CSMD2: variants seen among roughly 807,000 people sequenced by gnomAD.
CSMD2 encodes CUB and Sushi multiple domains 2.
Under a neutral mutation model 398.5 loss-of-function variants are expected in CSMD2, and 130 were observed. The observed-to-expected ratio is 0.33, with a 90% confidence interval of 0.28 to 0.38. The LOEUF (loss-of-function observed/expected upper bound fraction) is 0.38. CSMD2 is among the 10% of genes least tolerant of loss of function. CSMD2 has a pLI of 1.00. For synonymous variants in CSMD2, 1,828 were observed against 1,908.5 expected, an observed-to-expected ratio of 0.96 and a Z score of 1.10; for missense variants, 3,829 against 4,764.9, an observed-to-expected ratio of 0.80 and a Z score of 5.78.
chr1:33,820,565 C>CAAAAAAA lies in CSMD2; in HGVS notation c.1112-16_1112-10dup, dbSNP rs753962666. 120 of 444,364 alleles carry CAAAAAAA rather than the reference C, an allele frequency of 2.7e-4. No individual in the cohort carries two copies. Among genetic ancestry groups the CAAAAAAA allele is most frequent in the South Asian group, 7.7e-4 (25 of 32,294 alleles). The allele number at this position is 444,364 out of a possible 1,614,324, so 27.5% of individuals were successfully genotyped here. A position where few individuals can be genotyped will look rare whatever the true frequency, so the allele number is the denominator to read the frequency against. On this transcript the variant is annotated splice_polypyrimidine_tract_variant and intron_variant, in intron 7 of 70. Transcript: ENST00000373381. ...CACACCAACCTGAGTTACTACAAGG[C>CAAAAAAA]AAAAAAAAAAAAAAAAAAAAAAACA...
At chr1:33,649,668 T>A (rs590210) in intron 28 of CSMD2, among the ~76,000 whole-genome samples, 1 of 151,986 alleles carries the variant, frequency 6.6e-6, no homozygotes, top group Non-Finnish European at 1.5e-5. Flanking sequence ...ACAAAAACAA[T>A]ATAATGAAAT....
intron 25 of CSMD2, among the ~76,000 whole-genome samples, chr1:33,681,730 C>T (rs1216352013): frequency 2.0e-5 from 3 of 152,146 alleles, no homozygotes; most frequent in East Asian, 1.9e-4. Flanking sequence ...CTTTGGGAGG[C>T]CGAGGCAGGT....
At chr1:33,658,160 AG>A in intron 26 of CSMD2, 23 bp from the exon 27 acceptor site, 6 of 1,598,878 alleles carry the variant, frequency 3.8e-6, no homozygotes, top group Non-Finnish European at 5.1e-6. Flanking sequence ...AATAGAAGAG[AG>A]GGTAAGGTCG....
intron 22 of CSMD2, among the ~76,000 whole-genome samples, chr1:33,704,283 T>G (rs551820671): frequency 6.6e-6 from 1 of 152,310 alleles, no homozygotes; most frequent in African/African-American, 2.4e-5. Flanking sequence ...CTATATTCCT[T>G]TCTAATTTTT....
At chr1:33,698,711 T>A in intron 24 of CSMD2, 42 bp downstream of exon 24, 1 of 1,569,702 alleles carries the variant, frequency 6.4e-7, no homozygotes, top group South Asian at 1.2e-5. Context: ...CTTGGTATTA[T>A]GGGAGACCCA....
chr1:33,550,374 C>T, intron 55 of CSMD2, 24 bp from the exon 56 acceptor site: 1 of 1,608,028 alleles, frequency 6.2e-7, no homozygotes, highest in Non-Finnish European at 8.5e-7. Context: ...GCAAACATCT[C>T]AATGACTCTG....
chr1:33,768,536 A>ATGTGTG (rs60273744), intron 13 of CSMD2, among the ~76,000 whole-genome samples: 74 of 142,250 alleles, frequency 5.2e-4, no homozygotes, highest in African/African-American at 9.9e-4. Context: ...GTGTGCGTGC[A>ATGTGTG]TGTGTGTGTG....
chr1:34,010,945 C>CCTTCTGCCT (rs1390188890), intron 3 of CSMD2, among the ~76,000 whole-genome samples: 1 of 152,146 alleles, frequency 6.6e-6, no homozygotes, highest in Non-Finnish European at 1.5e-5. Context: ...TTTTGAGCTT[C>CCTTCTGCCT]CTTCTGCCTT....
chr1:33,546,382 G>T (rs1441054116), intron 56 of CSMD2, among the ~76,000 whole-genome samples, 163 bp from the exon 57 acceptor site: 1 of 152,194 alleles, frequency 6.6e-6, no homozygotes, highest in Non-Finnish European at 1.5e-5. Flanking sequence ...CATATGCAAT[G>T]GTGGAAGAAC....
chr1:34,151,283 G>T (rs1352599933), intron 1 of CSMD2, among the ~76,000 whole-genome samples: 1 of 152,152 alleles, frequency 6.6e-6, no homozygotes, highest in East Asian at 1.9e-4. Context: ...ACTGCACTAG[G>T]TACTCAGTGA....
chr1:33,587,012 C>T (rs529248814), intron 45 of CSMD2, 76 bp downstream of exon 45: 53 of 1,191,802 alleles, frequency 4.4e-5, no homozygotes, highest in South Asian at 5.8e-5. Flanking sequence ...TCCACTGGCC[C>T]GACAGCTCCC....
chr1:33,943,772 T>C (rs1217734615), intron 3 of CSMD2, among the ~76,000 whole-genome samples: 2 of 152,142 alleles, frequency 1.3e-5, no homozygotes, highest in African/African-American at 4.8e-5. Context: ...TCTGGACTCC[T>C]TGAGGGGCAG....
At chr1:33,547,131 T>C (rs1369965494) in intron 56 of CSMD2, among the ~76,000 whole-genome samples, 1 of 152,184 alleles carries the variant, frequency 6.6e-6, no homozygotes, top group South Asian at 2.1e-4. Flanking sequence ...CCCTCTCATT[T>C]CATTTTTGCT....
Position 33,791,582 on chromosome 1 carries a change from C to T in CSMD2, c.1550+841G>A, listed in dbSNP as rs939377563. On this transcript the variant is annotated intron_variant, in intron 11 of 70. Transcript: ENST00000373381. ...CTCACTGCAGCCTCAACCTCCCAGGCTCAAGCTATCCTCCTGCCTCAGCCT... is the reference window on the plus strand; with the variant it reads ...CTCACTGCAGCCTCAACCTCCCAGGTTCAAGCTATCCTCCTGCCTCAGCCT... Among the ~76,000 whole-genome samples, 4 of 152,104 alleles carry T rather than the reference C, an allele frequency of 2.6e-5. No homozygotes were observed. In the East Asian group the frequency reaches 7.7e-4, roughly 29 times the overall value.
Position 33,571,642 on chromosome 1 carries a change from G to A in CSMD2, c.7847C>T (p.Ala2616Val). The A allele has an allele frequency of 6.3e-7, 1 of 1,588,948 alleles. No homozygotes were observed. Among genetic ancestry groups the A allele is most frequent in the Non-Finnish European group, 8.6e-7 (1 of 1,163,972 alleles). Reference protein sequence around the residue: ...LIFETQYQFQAQLMLICDPGY... With the variant: ...LIFETQYQFQVQLMLICDPGY... ...AGGGTCACAGATGAGCATCAGCTGGGCCTGGAACTGATACTGTGTCTCAAA... is the reference window on the plus strand; with the variant it reads ...AGGGTCACAGATGAGCATCAGCTGGACCTGGAACTGATACTGTGTCTCAAA... The change falls in exon 51 of 71, where the codon GCC becomes GTC. Residue 2616 changes from alanine (A) to valine (V), a missense_variant. Ala to Val is a moderately conservative substitution (Grantham distance 64, BLOSUM62 0). Transcript: ENST00000373381.
intron 3 of CSMD2, among the ~76,000 whole-genome samples, chr1:34,027,433 C>T (rs1030748997): frequency 2.0e-5 from 3 of 152,128 alleles, no homozygotes; most frequent in African/African-American, 7.2e-5. Context: ...AGTGTGCGTT[C>T]GTATAACCTT....
chr1:33,581,400 A>ATGG (rs1011136171), intron 47 of CSMD2, among the ~76,000 whole-genome samples: 1 of 148,742 alleles, frequency 6.7e-6, no homozygotes, highest in African/African-American at 2.5e-5. Context: ...TTATCTGGTC[A>ATGG]TGGTGGTGCA....
chr1:33,658,713 G>C (rs1344400312), intron 26 of CSMD2, among the ~76,000 whole-genome samples: 1 of 152,052 alleles, frequency 6.6e-6, no homozygotes, highest in African/African-American at 2.4e-5. Context: ...AAATAAAAAA[G>C]ATTAGCTGGG....
At chr1:34,076,928 A>AAAAATATAT (rs1232288848) in intron 2 of CSMD2, among the ~76,000 whole-genome samples, 15 of 53,592 alleles carry the variant, frequency 2.8e-4, no homozygotes, top group East Asian at 5.5e-4. Context: ...AAAAAAAAAA[A>AAAAATATAT]ATATATATAT....
Sources: allele counts gnomAD v4.1 joint callset (sites outside exome capture counted in the v4.1 genomes callset), GRCh38; gene constraint gnomAD v4.1.1; transcripts MANE v1.5; gene names NCBI Gene and HGNC (gene_info 2026-07-23, HGNC 2026-07-21).